The following PCDH9 variants were observed in gnomAD, a reference collection of about 807,000 sequenced individuals.
PCDH9 encodes the protein protocadherin-9.
A neutral mutation model predicts 70.6 loss-of-function variants in PCDH9; 24 were observed. The ratio of observed to expected loss-of-function variants is 0.34; its 90% confidence interval spans 0.25 to 0.48. The LOEUF (loss-of-function observed/expected upper bound fraction) is 0.48, where lower values mean the gene tolerates loss of function less well. Ranked by LOEUF, PCDH9 falls within the 20% of genes least tolerant of loss-of-function variation. The pLI is 0.99. For missense variants in PCDH9, 1,281 were observed against 1,503.6 expected (o/e 0.85, Z 2.45); for synonymous variants, 562 against 558.5 (o/e 1.01, Z -0.09).
At chr13:67,157,080 C>G (rs1349422645) in intron 2 of PCDH9, among the ~76,000 whole-genome samples, 3 of 152,126 alleles carry the variant, frequency 2.0e-5, no homozygotes, top group African/African-American at 7.2e-5. Context: ...AATTGCTTAT[C>G]TTTTCGGTAA....
intron 4 of PCDH9, among the ~76,000 whole-genome samples, chr13:66,588,077 T>C (rs2076986627): frequency 6.6e-6 from 1 of 152,082 alleles, no homozygotes. Flanking sequence ...ACTTTTTCTT[T>C]ACAATAACTT....
intron 2 of PCDH9, among the ~76,000 whole-genome samples, chr13:67,106,276 G>C (rs1482146436): frequency 1.3e-5 from 2 of 152,024 alleles, no homozygotes; most frequent in African/African-American, 4.8e-5. Context: ...TCCATCCTAG[G>C]CATTTTAAGT....
chr13:66,536,019 C>T (rs191322296), intron 4 of PCDH9, among the ~76,000 whole-genome samples: 2 of 152,124 alleles, frequency 1.3e-5, no homozygotes, highest in African/African-American at 4.8e-5. Context: ...ATGAGGAAAT[C>T]AGTTATCAAA....
chr13:66,452,781 G>A (rs1480672014), intron 4 of PCDH9, among the ~76,000 whole-genome samples: 1 of 151,934 alleles, frequency 6.6e-6, no homozygotes, highest in Non-Finnish European at 1.5e-5. Flanking sequence ...CTATACATTC[G>A]TCTTGATTAT....
intron 2 of PCDH9, among the ~76,000 whole-genome samples, chr13:66,929,660 A>G (rs545559624): frequency 6.6e-6 from 1 of 152,128 alleles, no homozygotes; most frequent in Non-Finnish European, 1.5e-5. Flanking sequence ...GTTCTATACC[A>G]TAATAATTTG....
chr13:66,795,591 G>T (rs1399703989), intron 3 of PCDH9, among the ~76,000 whole-genome samples: 1 of 151,890 alleles, frequency 6.6e-6, no homozygotes, highest in Non-Finnish European at 1.5e-5. Context: ...GTATTTTTAT[G>T]CCTGTTTTTA....
At chr13:66,730,893 TTC>T (rs1221315506) in intron 3 of PCDH9, among the ~76,000 whole-genome samples, 2,628 of 94,234 alleles carry the variant, frequency 0.028, 317 homozygotes, top group Non-Finnish European at 0.038. Flanking sequence ...TTTTGTTTGT[TTC>T]TTTTTTTTTG....
At chr13:66,694,905 CTTT>C (rs367904882) in intron 3 of PCDH9, among the ~76,000 whole-genome samples, 3 of 141,748 alleles carry the variant, frequency 2.1e-5, no homozygotes, top group Admixed American at 7.1e-5. Context: ...CACTTACATA[CTTT>C]TTTTTTTTTT....
intron 2 of PCDH9, among the ~76,000 whole-genome samples, chr13:67,016,955 A>C (rs2084574824): frequency 6.6e-6 from 1 of 151,110 alleles, no homozygotes; most frequent in Non-Finnish European, 1.5e-5. Context: ...ATTTTCTACT[A>C]GGGTTTTTTT....
rs74096710 is a variant in PCDH9, at chr13:66,985,322, A to T, written c.3037-81717T>A. ...GTACCTTTGGGCATGTGTAGCCTGT[A>T]AGCTACATTATTATTAAAATATTAA... is the stretch of plus-strand genomic sequence containing the variant. On this transcript the variant is annotated intron_variant, in intron 2 of 4. Coordinates refer to ENST00000377865, the MANE Select transcript of PCDH9 (RefSeq NM_203487.3). Among the ~76,000 whole-genome samples, 688 of 152,250 alleles carry T rather than the reference A, an allele frequency of 4.5e-3. 4 individuals carry two copies. The highest frequency in any genetic ancestry group is 0.016 in the African/African-American group (663 of 41,570).
Position 66,326,828 on chromosome 13 carries a change from A to T in PCDH9, c.3341-21800T>A, listed in dbSNP as rs540561497. On this transcript the variant is annotated intron_variant, in intron 4 of 4. Coordinates refer to ENST00000377865, the MANE Select transcript of PCDH9 (RefSeq NM_203487.3). The stretch of plus-strand genomic sequence containing the variant: ...TTTTTACATAAAAATAAATGTATGA[A>T]TTTAAGTTTAAAAAACTATTAAACA... Among the ~76,000 whole-genome samples the T allele has an allele frequency of 2.0e-5, 3 of 151,114 alleles. No homozygotes were observed. In the South Asian group the frequency reaches 6.2e-4, roughly 31 times the overall value.
chr13:66,655,311 A>G (rs901556351), intron 3 of PCDH9, among the ~76,000 whole-genome samples: 2 of 152,082 alleles, frequency 1.3e-5, no homozygotes, highest in African/African-American at 4.8e-5. Context: ...TGTACAGAAT[A>G]AGGACTAGAA....
chr13:66,880,709 GA>G (rs1857857196), intron 3 of PCDH9, among the ~76,000 whole-genome samples: 1 of 152,156 alleles, frequency 6.6e-6, no homozygotes, highest in Non-Finnish European at 1.5e-5. Context: ...TGCAACATGA[GA>G]AGAATTAACT....
chr13:66,367,010 A>G (rs1300061063), intron 4 of PCDH9, among the ~76,000 whole-genome samples: 1 of 152,080 alleles, frequency 6.6e-6, no homozygotes, highest in Non-Finnish European at 1.5e-5. Flanking sequence ...TTCATTTCCT[A>G]TTTTTAATAT....
intron 2 of PCDH9, among the ~76,000 whole-genome samples, chr13:66,983,456 AT>A (rs2083818747): frequency 1.3e-5 from 2 of 152,102 alleles, no homozygotes; most frequent in African/African-American, 4.8e-5. Flanking sequence ...GTGAAAAAAA[AT>A]AAAAGGAGAA....
intron 3 of PCDH9, among the ~76,000 whole-genome samples, chr13:66,740,099 T>G (rs1387130185): frequency 1.4e-4 from 20 of 148,082 alleles, no homozygotes; most frequent in African/African-American, 4.4e-4. Context: ...AGTAAAGCTC[T>G]CCTCAGCAAA....
At chr13:66,659,791 T>A (rs1015495007) in intron 3 of PCDH9, among the ~76,000 whole-genome samples, 2 of 152,008 alleles carry the variant, frequency 1.3e-5, no homozygotes, top group Non-Finnish European at 2.9e-5. Context: ...AGAAGCTGAT[T>A]TGGGGTGTGT....
intron 2 of PCDH9, among the ~76,000 whole-genome samples, chr13:67,196,204 A>G (rs570436156): frequency 6.2e-4 from 94 of 152,154 alleles, no homozygotes; most frequent in Non-Finnish European, 1.2e-3. Flanking sequence ...ATAATCCACA[A>G]AGAAAGAATA....
chr13:66,988,311 T>C (rs559911366), intron 2 of PCDH9, among the ~76,000 whole-genome samples: 2 of 152,186 alleles, frequency 1.3e-5, no homozygotes, highest in South Asian at 2.1e-4. Flanking sequence ...TTTTAACACG[T>C]AGTCTGATGT....
Sources: allele counts gnomAD v4.1 joint callset (sites outside exome capture counted in the v4.1 genomes callset), GRCh38; gene constraint gnomAD v4.1.1; transcripts MANE v1.5; gene names NCBI Gene and HGNC (gene_info 2026-07-23, HGNC 2026-07-21).